The following ARHGAP25 variants were observed in gnomAD, a reference collection of about 807,000 sequenced individuals.
The protein encoded by ARHGAP25 is rho GTPase-activating protein 25.
A neutral mutation model predicts 71.0 loss-of-function variants in ARHGAP25; 34 were observed. The observed-to-expected ratio is 0.48, with a 90% CI of 0.36 to 0.64. The LOEUF is 0.64. Ranked by LOEUF, ARHGAP25 falls within the 30% of genes least tolerant of loss-of-function variation. The pLI, the probability that ARHGAP25 is intolerant of heterozygous loss-of-function variation, is 0.00. For missense variants in ARHGAP25, 706 were observed against 805.1 expected (o/e 0.88, Z 1.49); for synonymous variants, 282 against 296.5 (o/e 0.95, Z 0.50).
At chr2:68,803,359 A>C (rs1443776333) in intron 4 of ARHGAP25, among the ~76,000 whole-genome samples, 1 of 152,254 alleles carries the variant, frequency 6.6e-6, no homozygotes, top group Non-Finnish European at 1.5e-5. Context: ...TTAGGAGAGC[A>C]CTAGAAATCT....
intron 2 of ARHGAP25, among the ~76,000 whole-genome samples, chr2:68,722,522 A>C (rs1486401764): frequency 6.6e-6 from 1 of 151,948 alleles, no homozygotes; most frequent in Non-Finnish European, 1.5e-5. Flanking sequence ...AGGCTGCAGT[A>C]AGCAGAGATT....
chr2:68,778,631 T>C (rs1280209701), intron 2 of ARHGAP25, among the ~76,000 whole-genome samples: 3 of 152,218 alleles, frequency 2.0e-5, no homozygotes, highest in African/African-American at 7.2e-5. Flanking sequence ...ATGTGTGTGT[T>C]GGTTGGTACA....
At chr2:68,751,684 G>T (rs866222371) in intron 1 of ARHGAP25, among the ~76,000 whole-genome samples, 1 of 152,208 alleles carries the variant, frequency 6.6e-6, no homozygotes, top group Non-Finnish European at 1.5e-5. Flanking sequence ...CATATAGGCA[G>T]ATTCTCAAAG....
Position 68,819,234 on chromosome 2 carries a change from A to G in ARHGAP25, c.1115A>G (p.Lys372Arg). The change falls in exon 9 of 11, where the codon AAG (lysine) becomes AGG (arginine). Residue 372 changes from lysine to arginine, a missense_variant. Physicochemically the swap from Lys to Arg is conservative, Grantham distance 26 (BLOSUM62 2). Transcript: ENST00000409202. ...LSPPAQKNDP[K>R]KAPVARSSVG... The stretch of plus-strand genomic sequence containing the variant: ...CCCCCTGCCCAGAAAAATGACCCCA[A>G]GAAAGCTCCAGTGGCCCGAAGCTCT... 1 of 1,614,176 alleles carries G rather than the reference A, an allele frequency of 6.2e-7. No homozygotes were observed. The highest frequency in any genetic ancestry group is 8.5e-7 in the Non-Finnish European group (1 of 1,180,024).
chr2:68,726,768 A>G (rs930960183), intron 2 of ARHGAP25, among the ~76,000 whole-genome samples: 8 of 152,188 alleles, frequency 5.3e-5, no homozygotes, highest in East Asian at 1.9e-4. Context: ...GCTGGGAGGA[A>G]CAAGCCTCTG....
At position 68,826,181 on chromosome 2, in the gene ARHGAP25, A is replaced by G; in HGVS notation, c.1928A>G (p.Lys643Arg). ...TTTGTCAAATCCATGAAGGAACCCA[A>G]GACCGAGGCTTAAGGGTCCCAGGAG... is the stretch of plus-strand genomic sequence containing the variant. ...KEFVKSMKEP[K>R]TEA Residue 643 changes from lysine to arginine, a missense_variant, in exon 11 of 11, where the codon AAG becomes AGG. Coordinates refer to ENST00000409202, the MANE Select transcript of ARHGAP25 (RefSeq NM_001007231.3). 6.2e-7 allele frequency: 1 copy of G among 1,614,214 alleles called. No homozygotes were observed.
intron 5 of ARHGAP25, among the ~76,000 whole-genome samples, chr2:68,812,865 C>A (rs1027616702): frequency 3.9e-5 from 6 of 152,078 alleles, no homozygotes; most frequent in Admixed American, 6.5e-5. Context: ...AACCTCAGAA[C>A]TATTTTAAGC....
intron 2 of ARHGAP25, among the ~76,000 whole-genome samples, chr2:68,712,319 A>C (rs1430839115): frequency 6.6e-6 from 1 of 152,202 alleles, no homozygotes; most frequent in African/African-American, 2.4e-5. Flanking sequence ...TCTTCTTTTG[A>C]TAAGTGTCTG....
chr2:68,804,885 G>T (rs1452666691), intron 4 of ARHGAP25, among the ~76,000 whole-genome samples: 1 of 152,196 alleles, frequency 6.6e-6, no homozygotes, highest in East Asian at 1.9e-4. Context: ...ACTAGACATT[G>T]GGGATGAAAA....
chr2:68,723,654 A>G (rs1674816926), intron 2 of ARHGAP25, among the ~76,000 whole-genome samples: 4 of 152,164 alleles, frequency 2.6e-5, no homozygotes, highest in Non-Finnish European at 5.9e-5. Flanking sequence ...TAACTCTTCT[A>G]TCCCTAGTCC....
chr2:68,744,138 G>A (rs973186952), intron 1 of ARHGAP25, among the ~76,000 whole-genome samples: 14 of 151,642 alleles, frequency 9.2e-5, no homozygotes, highest in African/African-American at 3.2e-4. Flanking sequence ...CAGAAAGATC[G>A]GGAGCCACAT....
chr2:68,816,151 C>G, intron 6 of ARHGAP25, 138 bp from the exon 7 acceptor site: 2 of 757,830 alleles, frequency 2.6e-6, no homozygotes, highest in Middle Eastern at 2.3e-4. Context: ...TTTAAACCCA[C>G]AGAACTACAG....
chr2:68,821,823 CTCTT>C (rs1318461206), intron 9 of ARHGAP25, among the ~76,000 whole-genome samples: 2 of 150,570 alleles, frequency 1.3e-5, no homozygotes, highest in Non-Finnish European at 2.9e-5. Flanking sequence ...GGTTGTTGAT[CTCTT>C]TCTTCACAAT....
intron 4 of ARHGAP25, among the ~76,000 whole-genome samples, chr2:68,804,539 T>C (rs891781261): frequency 6.6e-6 from 1 of 152,254 alleles, no homozygotes; most frequent in African/African-American, 2.4e-5. Flanking sequence ...TCTAATTGTT[T>C]CTCACCATGT....
At chr2:68,720,943 T>C (rs550207644) in intron 2 of ARHGAP25, among the ~76,000 whole-genome samples, 1 of 152,242 alleles carries the variant, frequency 6.6e-6, no homozygotes, top group Admixed American at 6.5e-5. Context: ...CCATCTGTAC[T>C]CACAGATGTG....
At position 68,747,535 on chromosome 2, in the gene ARHGAP25, C is replaced by T. The variant is rs74472548; in HGVS notation, c.61+12275C>T. 5.1e-3 allele frequency among the ~76,000 whole-genome samples: 775 copies of T among 152,280 alleles called. 9 individuals carry two copies. The highest frequency in any genetic ancestry group is 0.018 in the African/African-American group (740 of 41,552). ...CTCTTCCGTTTATCCAACCTTAAAA[C>T]CTTTAAAGCCCTTTCCATGGCTTTA... On this transcript the variant is annotated intron_variant, in intron 1 of 10. Transcript: ENST00000409202.
intron 2 of ARHGAP25, among the ~76,000 whole-genome samples, chr2:68,720,316 C>CAAAAAAAAAAAAAAAAAAAAAAAA (rs11314943): frequency 1.3e-5 from 1 of 75,690 alleles, no homozygotes. Flanking sequence ...ACATTTCAGT[C>CAAAAAAAAAAAAAAAAAAAAAAAA]AAAAAAAAAA....
At chr2:68,729,863 C>T (rs1674973830), upstream of ARHGAP25, among the ~76,000 whole-genome samples, 1 of 152,222 alleles carries the variant, frequency 6.6e-6, no homozygotes, top group Non-Finnish European at 1.5e-5. Context: ...TATTCTTATT[C>T]ACTTTCCCAG....
intron 2 of ARHGAP25, among the ~76,000 whole-genome samples, chr2:68,712,192 T>C (rs1419913750): frequency 1.3e-5 from 2 of 152,360 alleles, no homozygotes; most frequent in East Asian, 3.9e-4. Flanking sequence ...TCCTGACTTT[T>C]TAATAATCAC....
Sources: gnomAD v4.1 joint callset for allele counts (sites outside exome capture counted in the v4.1 genomes callset) on GRCh38, gnomAD v4.1.1 for gene constraint, MANE v1.5 for transcripts, NCBI Gene and HGNC (gene_info 2026-07-23, HGNC 2026-07-21) for gene names.